The following CAD variants were observed in gnomAD, a reference collection of about 807,000 sequenced individuals.
CAD encodes the protein multifunctional protein CAD.
Under a neutral mutation model 237.2 loss-of-function variants are expected in CAD, and 81 were observed. The ratio of observed to expected loss-of-function variants is 0.34; its 90% CI spans 0.29 to 0.41. The LOEUF (loss-of-function observed/expected upper bound fraction) is 0.41, where lower values mean the gene tolerates loss of function less well. CAD is among the 10% of genes least tolerant of loss of function. The pLI is 1.00. For missense variants in CAD, 2,181 were observed against 2,951.7 expected, an observed-to-expected ratio of 0.74 and a Z score of 6.05; for synonymous variants, 1,196 against 1,162.8, an observed-to-expected ratio of 1.03 and a Z score of -0.58.
intron 2 of CAD, among the ~76,000 whole-genome samples, chr2:27,220,170 A>C (rs1257642045): frequency 6.6e-6 from 1 of 152,168 alleles, no homozygotes; most frequent in African/African-American, 2.4e-5. Context: ...TCTGACTGAC[A>C]CCATGTGCCT....
chr2:27,236,529 T>A lies in CAD; in HGVS notation c.4314+6T>A. 1 of 1,609,730 alleles carries A rather than the reference T, an allele frequency of 6.2e-7. No homozygotes were observed. Among genetic ancestry groups the A allele is most frequent in the Admixed American group, 1.7e-5 (1 of 60,012 alleles). ...GCACCAAACTCTTTGTGGAGGTAAC[T>A]GAGACCCATGTGCTGGGAGGGAGAC... On this transcript the variant is annotated splice_donor_region_variant and intron_variant, in intron 26 of 43. Transcript: ENST00000264705. This position sits in a 1 kb window ranked among gnomAD's most constrained non-coding sequence, Gnocchi z 4.1.
chr2:27,237,455 T>A lies in CAD; in HGVS notation c.4473T>A (p.Ala1491=). 6.2e-7 allele frequency: 1 copy of A among 1,614,180 alleles called. No individual in the cohort carries two copies. The highest frequency in any genetic ancestry group is 8.5e-7 in the Non-Finnish European group (1 of 1,179,978). ...AGGACTTTGCTTCAGGCACAGCCGCTGCCCTGGCTGGGGGTATCACCATGG... is the reference window on the plus strand; with the variant it reads ...AGGACTTTGCTTCAGGCACAGCCGCAGCCCTGGCTGGGGGTATCACCATGG... The part of the protein sequence containing the change: ...HKEDFASGTA[A]ALAGGITMVC... The change falls in exon 28 of 44, where the codon GCT becomes GCA. Residue 1491 remains alanine (A), a synonymous_variant. Transcript: ENST00000264705. The surrounding 1 kb of genome is among the most constrained non-coding windows in gnomAD (Gnocchi z 4.0).
chr2:27,237,458 C>A lies in CAD; in HGVS notation c.4476C>A (p.Ala1492=). The part of the protein sequence containing the change: ...KEDFASGTAA[A]LAGGITMVCA... The stretch of plus-strand genomic sequence containing the variant: ...ACTTTGCTTCAGGCACAGCCGCTGC[C>A]CTGGCTGGGGGTATCACCATGGTGT... Residue 1492 remains alanine, a synonymous_variant, in exon 28 of 44, where the codon GCC becomes GCA. Transcript: ENST00000264705. The surrounding 1 kb of genome is among the most constrained non-coding windows in gnomAD (Gnocchi z 4.0). 6.2e-7 allele frequency: 1 copy of A among 1,614,180 alleles called. No homozygotes were observed. The highest frequency in any genetic ancestry group is 8.5e-7 in the Non-Finnish European group (1 of 1,179,988).
chr2:27,221,153 A>G (rs1181482024), intron 2 of CAD, 65 bp from the exon 3 acceptor site: 8 of 1,421,056 alleles, frequency 5.6e-6, no homozygotes, highest in Non-Finnish European at 7.5e-6. Context: ...TGGCCACACA[A>G]TCGGGAAAAT....
chr2:27,234,225 AG>A lies in CAD; in HGVS notation c.3618+1del, dbSNP rs763888830. On this transcript the variant is annotated frameshift_variant and splice_region_variant, in exon 22 of 44. Coordinates refer to ENST00000264705, the MANE Select transcript of CAD (RefSeq NM_004341.5). LOFTEE classifies it high-confidence loss of function. ...CCCTTCAATCTGCAGCTCATTGCCA[AG>A]GTAATAAGGCTAAAGGAAAGAACTA... The part of the protein sequence containing the change: ...TGPFNLQLIA[K>X]DDQLKVIECN... 1.2e-6 allele frequency: 2 copies of A among 1,613,480 alleles called. No individual in the cohort carries two copies. Among genetic ancestry groups the A allele is most frequent in the Non-Finnish European group, 1.7e-6 (2 of 1,179,492 alleles).
chr2:27,231,072 C>T (rs1034328708), intron 15 of CAD, among the ~76,000 whole-genome samples: 14 of 152,330 alleles, frequency 9.2e-5, no homozygotes, highest in Non-Finnish European at 1.9e-4. Context: ...ATGGTGTGAT[C>T]GCTGCTCACT....
Position 27,221,939 on chromosome 2 carries a change from A to G in CAD, c.353-255A>G, listed in dbSNP as rs114631621. ...TACTTGGTTACACTCCTGTAGTGTT[A>G]CTTAGCGTATTCTTTTTTTCCCTTT... is the stretch of plus-strand genomic sequence containing the variant. On this transcript the variant is annotated intron_variant, in intron 3 of 43. Transcript: ENST00000264705. Among the ~76,000 whole-genome samples, 365 of 149,404 alleles carry G rather than the reference A, an allele frequency of 2.4e-3. 2 individuals are homozygous for G. Among genetic ancestry groups the G allele is most frequent in the African/African-American group, 8.8e-3 (354 of 40,288 alleles).
At chr2:27,224,106 C>T (rs1675316830) in intron 8 of CAD, 77 bp downstream of exon 8, 4 of 1,098,020 alleles carry the variant, frequency 3.6e-6, no homozygotes, top group Admixed American at 1.8e-5. Context: ...TGGACATGCC[C>T]TGGGCAACTC....
chr2:27,227,041 G>A (rs1675476898), intron 15 of CAD, 79 bp downstream of exon 15: 7 of 1,268,742 alleles, frequency 5.5e-6, no homozygotes, highest in Non-Finnish European at 8.0e-6. Flanking sequence ...CCCTGGCATG[G>A]CCTTTTACGT....
intron 5 of CAD, 21 bp downstream of exon 5, chr2:27,222,681 C>T (rs752159073): frequency 3.1e-6 from 5 of 1,606,208 alleles, no homozygotes; most frequent in East Asian, 2.2e-5. Context: ...GGGGCCTGTT[C>T]AGGGCCTCAG....
chr2:27,238,557 G>A lies in CAD; in HGVS notation c.4987G>A (p.Glu1663Lys). Reference sequence around the variant, plus strand: ...GCCTGGGAAGGGGGAGGTCCGGCCTGAGCTTGGCTCCCGCCAGGATGTGGA... The same window carrying A: ...GCCTGGGAAGGGGGAGGTCCGGCCTAAGCTTGGCTCCCGCCAGGATGTGGA... ...LGPGKGEVRPELGSRQDVEAL... is the reference protein window; with the variant it reads ...LGPGKGEVRPKLGSRQDVEAL... The change falls in exon 31 of 44, where the codon GAG (glutamate) becomes AAG (lysine). Residue 1663 changes from glutamate (E) to lysine (K), a missense_variant. This residue lies in a region of CAD where 478 missense variants were observed against 515.0 expected (regional missense o/e 0.93). Coordinates refer to ENST00000264705, the MANE Select transcript of CAD (RefSeq NM_004341.5). The A allele has an allele frequency of 6.2e-7, 1 of 1,614,140 alleles. No homozygotes were observed. The highest frequency in any genetic ancestry group is 1.1e-5 in the South Asian group (1 of 91,072).
chr2:27,240,642 T>A lies in CAD; in HGVS notation c.5594-269T>A. 6.5e-7 allele frequency: 1 copy of A among 1,543,032 alleles called. No homozygotes were observed. The highest frequency in any genetic ancestry group is 8.8e-7 in the Non-Finnish European group (1 of 1,142,518). ...GGTAAATCCAGGTTGTTGGTTGGTG[T>A]GAGTCTGGCCGTTCCTCTTGCCTAG... On this transcript the variant is annotated intron_variant, in intron 35 of 43. Transcript: ENST00000264705. The surrounding 1 kb of genome is among the most constrained non-coding windows in gnomAD (Gnocchi z 4.6).
chr2:27,224,928 G>T lies in CAD; in HGVS notation c.1386+52G>T, dbSNP rs771006887. On this transcript the variant is annotated intron_variant, in intron 10 of 43. Transcript: ENST00000264705. ...AAAGAGGACTGGGCAGGGGGGCCCAGTGGTCACTGTGGGTTATTAAACTTT... is the reference window on the plus strand; with the variant it reads ...AAAGAGGACTGGGCAGGGGGGCCCATTGGTCACTGTGGGTTATTAAACTTT... The T allele has an allele frequency of 3.7e-6, 6 of 1,612,272 alleles. No individual in the cohort carries two copies. The East Asian group carries it at 6.7e-5, about 18-fold the overall frequency.
rs908444410 is a variant in CAD, at chr2:27,233,668, G to C, written c.3259G>C (p.Val1087Leu). The C allele has an allele frequency of 2.5e-6, 4 of 1,614,186 alleles. No homozygotes were observed. Among genetic ancestry groups the C allele is most frequent in the Non-Finnish European group, 3.4e-6 (4 of 1,180,048 alleles). Residue 1087 changes from valine (V) to leucine (L), a missense_variant, in exon 21 of 44, where the codon GTG becomes CTG. Around this residue, in one of 12 missense-constraint regions of CAD, gnomAD observed 306 missense variants for 607.9 expected, o/e 0.50. Transcript: ENST00000264705. The surrounding 1 kb of genome is among the most constrained non-coding windows in gnomAD (Gnocchi z 6.3). The stretch of plus-strand genomic sequence containing the variant: ...CCAGACCGTGGGGTACCCCTGTGTG[G>C]TGCGCCCCTCCTATGTGCTGAGCGG... ...FCQTVGYPCVVRPSYVLSGAA... is the reference protein window; with the variant it reads ...FCQTVGYPCVLRPSYVLSGAA...
At position 27,237,524 on chromosome 2, in the gene CAD, T is replaced by C; in HGVS notation, c.4542T>C (p.Pro1514=). 6.2e-7 allele frequency: 1 copy of C among 1,613,676 alleles called. No homozygotes were observed. The highest frequency in any genetic ancestry group is 8.5e-7 in the Non-Finnish European group (1 of 1,179,906). Residue 1514 remains proline, a synonymous_variant, in exon 28 of 44, where the codon CCT becomes CCC. Coordinates refer to ENST00000264705, the MANE Select transcript of CAD (RefSeq NM_004341.5). The surrounding 1 kb of genome is among the most constrained non-coding windows in gnomAD (Gnocchi z 4.0). The part of the protein sequence containing the change: ...PNTRPPIIDA[P]ALALAQKLAE... ...CCCGGCCCCCCATCATTGACGCCCC[T>C]GCTCTGGCCCTGGCCCAGAAGGTGA...
rs201445071 is a variant in CAD, at chr2:27,217,966, G to A, written c.172G>A (p.Gly58Ser). The change falls in exon 2 of 44, where the codon GGC (glycine) becomes AGC (serine). Residue 58 changes from glycine (G) to serine (S), a missense_variant. Physicochemically the swap from Gly to Ser is moderately conservative, Grantham distance 56. This residue lies in a region of CAD where 314 missense variants were observed against 339.4 expected (regional missense o/e 0.93). Transcript: ENST00000264705. ...QILVLTYPLI[G>S]NYGIPPDEMD... ...CTTAGTGCTCACCTATCCTCTGATC[G>A]GCAACTATGGCATCCCCCCAGATGA... The A allele has an allele frequency of 6.2e-7, 1 of 1,612,358 alleles. No homozygotes were observed. The highest frequency in any genetic ancestry group is 8.5e-7 in the Non-Finnish European group (1 of 1,179,142).
At position 27,240,579 on chromosome 2, in the gene CAD, G is replaced by T; in HGVS notation, c.5593+218G>T. ...TTGTTGTGGGCAGCTGTGTTCCTCC[G>T]CCCAGGAGCTGGGATCCCACGGGGC... On this transcript the variant is annotated intron_variant, in intron 35 of 43. Coordinates refer to ENST00000264705, the MANE Select transcript of CAD (RefSeq NM_004341.5). This position sits in a 1 kb window ranked among gnomAD's most constrained non-coding sequence, Gnocchi z 4.6. 3 of 1,545,780 alleles carry T rather than the reference G, an allele frequency of 1.9e-6. No individual in the cohort carries two copies. Among genetic ancestry groups the T allele is most frequent in the Non-Finnish European group, 1.7e-6 (2 of 1,144,318 alleles).
chr2:27,238,347 G>C, intron 30 of CAD, 84 bp from the exon 31 acceptor site: 1 of 1,464,478 alleles, frequency 6.8e-7, no homozygotes, highest in Non-Finnish European at 9.3e-7. Flanking sequence ...ATCATTTTTT[G>C]AGCAGGGATG....
chr2:27,218,461 G>A (rs1035634902), intron 2 of CAD, among the ~76,000 whole-genome samples: 4 of 151,412 alleles, frequency 2.6e-5, no homozygotes, highest in African/African-American at 9.7e-5. Context: ...TCCATTGAAG[G>A]TTTTTTTTTA....
Sources: gnomAD v4.1 joint callset for allele counts (sites outside exome capture counted in the v4.1 genomes callset) on GRCh38, gnomAD v4.1.1 for gene constraint, gnomAD v4.1.1 regional missense constraint, Gnocchi (gnomAD v3.1) non-coding constraint, MANE v1.5 for transcripts, NCBI Gene and HGNC (gene_info 2026-07-23, HGNC 2026-07-21) for gene names.